DGKB: variants seen among roughly 807,000 people sequenced by gnomAD.
DGKB encodes 90 kDa diacylglycerol kinase.
In DGKB, 67 loss-of-function variants were observed where a neutral mutation model predicts 114.3. The ratio of observed to expected loss-of-function variants is 0.59; its 90% CI spans 0.48 to 0.72. The LOEUF is 0.72. DGKB is among the 30% of genes least tolerant of loss of function. DGKB has a pLI of 0.00. For missense variants in DGKB, 907 were observed against 975.2 expected (o/e 0.93, Z 0.93); for synonymous variants, 398 against 323.1 (o/e 1.23, Z -2.49).
intron 2 of DGKB, among the ~76,000 whole-genome samples, chr7:14,825,973 C>T (rs2128111202): frequency 6.6e-6 from 1 of 152,288 alleles, no homozygotes; most frequent in South Asian, 2.1e-4. Context: ...TGCATTAACT[C>T]TCCAAAGTTC....
At chr7:14,643,394 G>A (rs1245488174) in intron 13 of DGKB, among the ~76,000 whole-genome samples, 2 of 152,098 alleles carry the variant, frequency 1.3e-5, no homozygotes, top group Non-Finnish European at 2.9e-5. Context: ...TACACTCCTG[G>A]GACCAAAGCT....
At chr7:14,170,201 G>GAAAGAAAGAAAGAAAGAAAGAAAT (rs1554272246) in intron 25 of DGKB, among the ~76,000 whole-genome samples, 1 of 142,676 alleles carries the variant, frequency 7.0e-6, no homozygotes, top group South Asian at 2.3e-4. Context: ...AAGAAAGAAA[G>GAAAGAAAGAAAGAAAGAAAGAAAT]AAATACATTA....
At chr7:14,222,399 T>G (rs1790129460) in intron 23 of DGKB, among the ~76,000 whole-genome samples, 1 of 151,254 alleles carries the variant, frequency 6.6e-6, no homozygotes, top group Non-Finnish European at 1.5e-5. Context: ...ATTGATTCAT[T>G]GGTTATTTTA....
intron 23 of DGKB, among the ~76,000 whole-genome samples, chr7:14,280,173 ATGG>A (rs1799717633): frequency 6.6e-6 from 1 of 152,032 alleles, no homozygotes; most frequent in African/African-American, 2.4e-5. Flanking sequence ...AAAGGAGCTG[ATGG>A]AGCTGAAAAC....
Position 14,526,077 on chromosome 7 carries a change from T to G in DGKB, c.1771-47852A>C, listed in dbSNP as rs73682424. Among the ~76,000 whole-genome samples, 1,025 of 152,212 alleles carry G rather than the reference T, an allele frequency of 6.7e-3. 7 individuals carry two copies. The highest frequency in any genetic ancestry group is 0.023 in the African/African-American group (959 of 41,532). On this transcript the variant is annotated intron_variant, in intron 20 of 25. Transcript: ENST00000402815. ...ACATGTAAATATTTTCCCAAAAGAG[T>G]ATTTTCTTCACTTGTCTGTGGTTTA...
intron 2 of DGKB, among the ~76,000 whole-genome samples, chr7:14,796,678 TCTA>T (rs1477191276): frequency 9.6e-5 from 13 of 135,062 alleles, no homozygotes; most frequent in South Asian, 4.7e-4. Flanking sequence ...TTGTAAACTT[TCTA>T]GAAAGTAAAA....
chr7:14,443,849 T>A (rs890394489), intron 21 of DGKB, among the ~76,000 whole-genome samples: 1 of 152,034 alleles, frequency 6.6e-6, no homozygotes, highest in Non-Finnish European at 1.5e-5. Flanking sequence ...CAGCAACATT[T>A]TTTATGCACT....
chr7:14,800,761 G>T (rs937174735), intron 2 of DGKB, among the ~76,000 whole-genome samples: 1 of 152,138 alleles, frequency 6.6e-6, no homozygotes. Context: ...TCATGCCTTT[G>T]AATCAACAGG....
intron 21 of DGKB, among the ~76,000 whole-genome samples, chr7:14,471,697 A>G (rs1781428662): frequency 6.6e-6 from 1 of 152,048 alleles, no homozygotes; most frequent in Non-Finnish European, 1.5e-5. Flanking sequence ...TGTAGAATGA[A>G]GACTCACTCT....
Position 14,677,708 on chromosome 7 carries a change from A to G in DGKB, c.1036-4681T>C, listed in dbSNP as rs147313369. On this transcript the variant is annotated intron_variant, in intron 12 of 25. Transcript: ENST00000402815. ...AAACACAGTTTCAGAAGAAATGAAC[A>G]GGTATAAGCAGTGGGATATTAAGGA... Among the ~76,000 whole-genome samples the G allele has an allele frequency of 4.8e-4, 73 of 152,172 alleles. 1 individual carries two copies. The East Asian group carries it at 7.9e-3, about 17-fold the overall frequency.
At chr7:14,974,847 C>T (rs1200302358), upstream of DGKB, 1 of 151,614 alleles carries the variant, frequency 6.6e-6, no homozygotes, top group African/African-American at 2.4e-5. Context: ...TACTAGGTAG[C>T]TTAGAGTGAC....
rs1583853320 is a variant in DGKB, at chr7:14,426,621, G to A, written c.1835+51540C>T. Among the ~76,000 whole-genome samples, 9 of 152,238 alleles carry A rather than the reference G, an allele frequency of 5.9e-5. 2 individuals are homozygous for A. ...ATTTGTTGAGAATGAAGTATCCTAG[G>A]CAACCATGCTAAAATTATGAGTTCA... On this transcript the variant is annotated intron_variant, in intron 21 of 25. Transcript: ENST00000402815.
chr7:14,416,666 C>T (rs1825777592), intron 21 of DGKB, among the ~76,000 whole-genome samples: 1 of 152,116 alleles, frequency 6.6e-6, no homozygotes, highest in Non-Finnish European at 1.5e-5. Context: ...ACTTGGCTCT[C>T]ATTCTTTCTT....
At chr7:14,239,274 T>A (rs10244653) in intron 23 of DGKB, among the ~76,000 whole-genome samples, 103,124 of 151,922 alleles carry the variant, frequency 0.68, 36,152 homozygotes, top group African/African-American at 0.86. Context: ...TTTACAGCTC[T>A]AAGAACATTA....
At chr7:14,747,099 C>T (rs1479583207) in intron 4 of DGKB, among the ~76,000 whole-genome samples, 1 of 151,830 alleles carries the variant, frequency 6.6e-6, no homozygotes, top group Non-Finnish European at 1.5e-5. Context: ...GTTTCTCAAA[C>T]TTCTTCACTG....
intron 2 of DGKB, among the ~76,000 whole-genome samples, chr7:14,765,034 C>T (rs972324290): frequency 2.0e-5 from 3 of 151,662 alleles, no homozygotes; most frequent in Admixed American, 1.3e-4. Flanking sequence ...CATAAAAGTA[C>T]AAAGAGATTG....
intron 20 of DGKB, among the ~76,000 whole-genome samples, chr7:14,488,165 T>A (rs1469182608): frequency 6.6e-6 from 1 of 151,812 alleles, no homozygotes; most frequent in African/African-American, 2.4e-5. Context: ...TACAGAAGAG[T>A]TCATGAAATT....
At chr7:14,451,974 T>A (rs1450783115) in intron 21 of DGKB, among the ~76,000 whole-genome samples, 1 of 152,154 alleles carries the variant, frequency 6.6e-6, no homozygotes, top group African/African-American at 2.4e-5. Flanking sequence ...TGCTAACATA[T>A]TCCTAATCTG....
chr7:14,831,765 G>T (rs895325279), intron 2 of DGKB, among the ~76,000 whole-genome samples: 2 of 152,004 alleles, frequency 1.3e-5, no homozygotes, highest in African/African-American at 4.8e-5. Flanking sequence ...TCCACAGTCT[G>T]GGCAATGGTC....
Sources: allele counts gnomAD v4.1 joint callset (sites outside exome capture counted in the v4.1 genomes callset), GRCh38; gene constraint gnomAD v4.1.1; transcripts MANE v1.5; gene names NCBI Gene and HGNC (gene_info 2026-07-23, HGNC 2026-07-21).